ARHGAP5: variants seen among roughly 807,000 people sequenced by gnomAD.
ARHGAP5 encodes the protein Rho GTPase activating protein 5, also known as rho GTPase-activating protein 5.
In ARHGAP5, 23 loss-of-function variants were observed where a neutral mutation model predicts 116.6. That is an observed-to-expected ratio of 0.20 (90% CI 0.14 to 0.28). ARHGAP5 has a LOEUF of 0.28. Ranked by LOEUF, ARHGAP5 falls within the 10% of genes least tolerant of loss-of-function variation. ARHGAP5 has a pLI of 1.00. For synonymous variants in ARHGAP5, 574 were observed against 602.0 expected, an observed-to-expected ratio of 0.95 and a Z score of 0.68; for missense variants, 1,405 against 1,774.8, an observed-to-expected ratio of 0.79 and a Z score of 3.74.
intron 2 of ARHGAP5, among the ~76,000 whole-genome samples, chr14:32,103,255 AT>A (rs1878870154): frequency 6.6e-6 from 1 of 152,180 alleles, no homozygotes; most frequent in Non-Finnish European, 1.5e-5. Context: ...ACTATTTGCC[AT>A]TTCTTTGAAT....
chr14:32,117,210 C>T lies in ARHGAP5; in HGVS notation c.3788C>T (p.Pro1263Leu). The T allele has an allele frequency of 1.2e-6, 2 of 1,611,998 alleles. No homozygotes were observed. Among genetic ancestry groups the T allele is most frequent in the Non-Finnish European group, 1.7e-6 (2 of 1,178,726 alleles). The change falls in exon 3 of 7, where the codon CCC (proline) becomes CTC (leucine). Residue 1263 changes from proline to leucine, a missense_variant. Around this residue, in one of 6 missense-constraint regions of ARHGAP5, gnomAD observed 176 missense variants for 221.2 expected, o/e 0.80. Transcript: ENST00000345122. The stretch of plus-strand genomic sequence containing the variant: ...TGGGAAAGTAATTACTTTGGGATGC[C>T]CCTCCAGGATCTGGTTACAGCTGAG... ...RNWESNYFGM[P>L]LQDLVTAEKP...
intron 1 of ARHGAP5, chr14:32,078,176 G>A (rs1035332376): frequency 6.6e-6 from 1 of 152,176 alleles, no homozygotes; most frequent in Non-Finnish European, 1.5e-5. Flanking sequence ...GGAGCCGCGC[G>A]GGAGCGCGCG....
intron 3 of ARHGAP5, among the ~76,000 whole-genome samples, chr14:32,138,816 A>G (rs1880946436): frequency 6.6e-6 from 1 of 152,214 alleles, no homozygotes; most frequent in Non-Finnish European, 1.5e-5. Flanking sequence ...CATCACAGCT[A>G]ATAAGTATAT....
intron 2 of ARHGAP5, among the ~76,000 whole-genome samples, chr14:32,110,734 T>C (rs1879250920): frequency 6.6e-6 from 1 of 152,134 alleles, no homozygotes; most frequent in Non-Finnish European, 1.5e-5. Context: ...CAGTAATCCA[T>C]ATATGTGAAA....
At chr14:32,082,076 G>A (rs907097980) in intron 1 of ARHGAP5, among the ~76,000 whole-genome samples, 1 of 152,130 alleles carries the variant, frequency 6.6e-6, no homozygotes, top group Non-Finnish European at 1.5e-5. Flanking sequence ...TATCGCTGCT[G>A]TGGAGGCGGA....
intron 1 of ARHGAP5, among the ~76,000 whole-genome samples, chr14:32,082,883 C>T (rs1229978743): frequency 2.0e-5 from 3 of 152,208 alleles, no homozygotes; most frequent in African/African-American, 2.4e-5. Context: ...TGCATTTAGC[C>T]TGTAGTATTT....
At chr14:32,104,472 GA>G (rs1410399215) in intron 2 of ARHGAP5, among the ~76,000 whole-genome samples, 1 of 151,882 alleles carries the variant, frequency 6.6e-6, no homozygotes, top group East Asian at 1.9e-4. Context: ...TAAAGGGTGT[GA>G]GAGAGTCTTC....
rs185400638 is a variant in ARHGAP5 at position 32,135,654 on chromosome 14, C to T, written c.3866-10609C>T. Among the ~76,000 whole-genome samples the T allele has an allele frequency of 5.9e-5, 9 of 152,322 alleles. No homozygotes were observed. The East Asian group carries it at 1.2e-3, about 20-fold the overall frequency. ...GCCAGGCTGGTCTCAAACTCCTGGC[C>T]TCAGATGATCCACCCACCTTGGCCT... On this transcript the variant is annotated intron_variant, in intron 3 of 6. Coordinates refer to ENST00000345122, the MANE Select transcript of ARHGAP5 (RefSeq NM_001030055.2).
chr14:32,144,195 A>G (rs1259111104), intron 3 of ARHGAP5, among the ~76,000 whole-genome samples: 1 of 152,198 alleles, frequency 6.6e-6, no homozygotes, highest in Non-Finnish European at 1.5e-5. Context: ...ACTGGGATAT[A>G]TAGATATACA....
chr14:32,150,074 C>T, intron 5 of ARHGAP5, 41 bp downstream of exon 5: 1 of 1,483,130 alleles, frequency 6.7e-7, no homozygotes, highest in Non-Finnish European at 9.0e-7. Context: ...ATGATAATGG[C>T]AGTTTTTGGA....
rs945389533 is a variant in ARHGAP5, at chr14:32,117,407, T to C, written c.3865+120T>C. ...TCTCATTATTAGGATTATTTAGTAT[T>C]AACTCCATCTGATCAGGTAACCATC... is the stretch of plus-strand genomic sequence containing the variant. On this transcript the variant is annotated intron_variant, in intron 3 of 6. Coordinates refer to ENST00000345122, the MANE Select transcript of ARHGAP5 (RefSeq NM_001030055.2). 7.3e-5 allele frequency: 65 copies of C among 889,076 alleles called. No individual in the cohort carries two copies. In the Middle Eastern group the frequency reaches 9.4e-4, roughly 13 times the overall value. The allele number at this position is 889,076 out of a possible 1,614,324, so 55.1% of individuals were successfully genotyped here.
intron 3 of ARHGAP5, among the ~76,000 whole-genome samples, chr14:32,121,176 T>G (rs1030887291): frequency 1.3e-5 from 2 of 151,946 alleles, no homozygotes; most frequent in African/African-American, 2.4e-5. Context: ...CCCAGCCACC[T>G]TTTTTGGTTT....
At chr14:32,139,818 G>T (rs1881000054) in intron 3 of ARHGAP5, among the ~76,000 whole-genome samples, 1 of 150,070 alleles carries the variant, frequency 6.7e-6, no homozygotes, top group African/African-American at 2.4e-5. Flanking sequence ...TACAGATGCA[G>T]GTTTCCGTCT....
chr14:32,106,098 T>C (rs1361329197), intron 2 of ARHGAP5, among the ~76,000 whole-genome samples: 1 of 152,152 alleles, frequency 6.6e-6, no homozygotes, highest in Non-Finnish European at 1.5e-5. Flanking sequence ...ACTGCCAAAC[T>C]GTTTTCCAGA....
chr14:32,149,940 A>T lies in ARHGAP5; in HGVS notation c.3982A>T (p.Asn1328Tyr), dbSNP rs1346434898. 1.9e-6 allele frequency: 3 copies of T among 1,593,444 alleles called. No homozygotes were observed. Among genetic ancestry groups the T allele is most frequent in the East Asian group, 4.5e-5 (2 of 44,130 alleles). The change falls in exon 5 of 7, where the codon AAT becomes TAT. Residue 1328 changes from asparagine to tyrosine, a missense_variant. Physicochemically the swap from Asn to Tyr is moderately radical, Grantham distance 143 (BLOSUM62 -2). Transcript: ENST00000345122. Reference sequence around the variant, plus strand: ...TCTAGTGTCAATGGAAGTAACAGTAAATGCTGTAGCTGGAGCCCTTAAAGC... The same window carrying T: ...TCTAGTGTCAATGGAAGTAACAGTATATGCTGTAGCTGGAGCCCTTAAAGC... ...INLVSMEVTV[N>Y]AVAGALKAFF... is the part of the protein sequence containing the mutation.
intron 6 of ARHGAP5, chr14:32,154,196 G>T (rs1275905572): frequency 6.2e-6 from 1 of 161,596 alleles, no homozygotes; most frequent in Non-Finnish European, 1.4e-5. Flanking sequence ...TGTTGCCCAG[G>T]CTGGAGTGCA....
At chr14:32,153,220 A>G (rs540750556) in intron 6 of ARHGAP5, among the ~76,000 whole-genome samples, 1 of 150,186 alleles carries the variant, frequency 6.7e-6, no homozygotes, top group East Asian at 2.0e-4. Flanking sequence ...ATACCATGGA[A>G]ACATGGTGAA....
chr14:32,118,120 A>C (rs1213773922), intron 3 of ARHGAP5, among the ~76,000 whole-genome samples: 1 of 152,202 alleles, frequency 6.6e-6, no homozygotes, highest in Non-Finnish European at 1.5e-5. Flanking sequence ...CATTTTTCAC[A>C]TGTACACCTT....
intron 3 of ARHGAP5, among the ~76,000 whole-genome samples, chr14:32,126,998 CTT>C (rs772990418): frequency 0.03 from 3,986 of 134,336 alleles, 167 homozygotes; most frequent in African/African-American, 0.1. Flanking sequence ...AATATGATAT[CTT>C]TTTTTTTTTT....
Sources: allele counts gnomAD v4.1 joint callset (sites outside exome capture counted in the v4.1 genomes callset), GRCh38; gene constraint gnomAD v4.1.1; regional missense constraint gnomAD v4.1.1; transcripts MANE v1.5; gene names NCBI Gene and HGNC (gene_info 2026-07-23, HGNC 2026-07-21).